Variants in MYO1D observed in about 807,000 individuals in gnomAD.
The protein encoded by MYO1D is myosin ID, also known as unconventional myosin-Id.
A neutral mutation model predicts 122.0 loss-of-function variants in MYO1D; 83 were observed. The ratio of observed to expected loss-of-function variants is 0.68; its 90% CI spans 0.57 to 0.82. The LOEUF is 0.82. Ranked by LOEUF, MYO1D falls within the 40% of genes least tolerant of loss-of-function variation. The pLI is 0.00. For synonymous variants in MYO1D, 464 were observed against 446.9 expected (o/e 1.04, Z -0.48); for missense variants, 1,157 against 1,269.5 (o/e 0.91, Z 1.35).
intron 1 of MYO1D, among the ~76,000 whole-genome samples, chr17:32,790,850 A>T (rs2090343266): frequency 6.6e-6 from 1 of 152,256 alleles, no homozygotes; most frequent in Non-Finnish European, 1.5e-5. Flanking sequence ...GAGAAACAGT[A>T]ACACCAGATA....
chr17:32,638,412 C>T (rs968088837), intron 20 of MYO1D, among the ~76,000 whole-genome samples: 2 of 152,126 alleles, frequency 1.3e-5, no homozygotes, highest in African/African-American at 2.4e-5. Context: ...CATATAAAAA[C>T]AAACCTTATG....
intron 21 of MYO1D, among the ~76,000 whole-genome samples, chr17:32,554,186 TCCCTGCCCCTGCCCCTGC>T (rs149083081): frequency 6.6e-6 from 1 of 151,842 alleles, no homozygotes; most frequent in South Asian, 2.1e-4. Flanking sequence ...GAGCTGAGAG[TCCCTGCCCCTGCCCCTGC>T]CCCTGCCCCT....
At chr17:32,519,846 T>G (rs1452953696) in intron 21 of MYO1D, among the ~76,000 whole-genome samples, 1 of 150,038 alleles carries the variant, frequency 6.7e-6, no homozygotes, top group Non-Finnish European at 1.5e-5. Context: ...ATTAAGAATA[T>G]AAGACAAAAA....
intron 16 of MYO1D, among the ~76,000 whole-genome samples, chr17:32,703,826 T>C (rs2089276021): frequency 6.6e-6 from 1 of 152,202 alleles, no homozygotes; most frequent in South Asian, 2.1e-4. Context: ...AAGTTAAAAC[T>C]ACAGTCTTCT....
intron 20 of MYO1D, among the ~76,000 whole-genome samples, chr17:32,631,821 A>G (rs1309212621): frequency 6.6e-6 from 1 of 152,198 alleles, no homozygotes; most frequent in African/African-American, 2.4e-5. Context: ...AAGTGTCACA[A>G]GACAGAAATA....
At chr17:32,810,372 G>A (rs1194673876) in intron 1 of MYO1D, among the ~76,000 whole-genome samples, 7 of 152,120 alleles carry the variant, frequency 4.6e-5, no homozygotes, top group Admixed American at 4.6e-4. Flanking sequence ...AGAATGTGCT[G>A]GAGGATTTCC....
intron 13 of MYO1D, among the ~76,000 whole-genome samples, chr17:32,741,796 G>T (rs1157034449): frequency 6.6e-6 from 1 of 152,006 alleles, no homozygotes; most frequent in Non-Finnish European, 1.5e-5. Context: ...GGCGGATCAC[G>T]AGGTCAGGAG....
At chr17:32,726,434 A>G (rs1031446009) in intron 14 of MYO1D, among the ~76,000 whole-genome samples, 1 of 151,084 alleles carries the variant, frequency 6.6e-6, no homozygotes. Context: ...AAAAAAGAAA[A>G]GAAAAAGAAA....
At chr17:32,645,578 A>G (rs9896040) in intron 19 of MYO1D, among the ~76,000 whole-genome samples, 2,380 of 151,640 alleles carry the variant, frequency 0.016, 53 homozygotes, top group African/African-American at 0.048. Flanking sequence ...ACAGTCCCAT[A>G]TTTCTTGGAG....
intron 21 of MYO1D, among the ~76,000 whole-genome samples, chr17:32,534,777 T>A (rs1400559458): frequency 2.0e-5 from 3 of 152,042 alleles, no homozygotes; most frequent in Non-Finnish European, 4.4e-5. Flanking sequence ...AATCCCCCCC[T>A]TTTTCTCTTT....
At chr17:32,616,703 A>G (rs2087773650) in intron 20 of MYO1D, among the ~76,000 whole-genome samples, 1 of 151,940 alleles carries the variant, frequency 6.6e-6, no homozygotes, top group South Asian at 2.1e-4. Context: ...AGTTTGCAAA[A>G]TTTTTGCCAC....
intron 21 of MYO1D, among the ~76,000 whole-genome samples, chr17:32,546,905 G>T (rs1029905841): frequency 2.2e-5 from 3 of 134,078 alleles, no homozygotes; most frequent in Admixed American, 8.3e-5. Flanking sequence ...ACAAAAATAA[G>T]AACCTTTTTT....
At chr17:32,746,303 T>C (rs1452304192) in intron 12 of MYO1D, among the ~76,000 whole-genome samples, 1 of 152,212 alleles carries the variant, frequency 6.6e-6, no homozygotes, top group Admixed American at 6.5e-5. Context: ...TCCAGATAGT[T>C]CTACTTCTCT....
chr17:32,862,270 T>C (rs1442868637), intron 1 of MYO1D, among the ~76,000 whole-genome samples: 1 of 152,242 alleles, frequency 6.6e-6, no homozygotes, highest in East Asian at 1.9e-4. Flanking sequence ...AGTTATCCTT[T>C]TGTTTGTTTA....
intron 1 of MYO1D, among the ~76,000 whole-genome samples, chr17:32,831,932 G>A (rs983388135): frequency 3.3e-5 from 5 of 152,092 alleles, no homozygotes; most frequent in Non-Finnish European, 5.9e-5. Flanking sequence ...TTTTCTAGGT[G>A]AGGCAATGCA....
chr17:32,822,586 G>A (rs2151059020), intron 1 of MYO1D, among the ~76,000 whole-genome samples: 1 of 148,810 alleles, frequency 6.7e-6, no homozygotes, highest in South Asian at 2.1e-4. Context: ...TGGGAACCGC[G>A]GAGGCGGCCG....
At chr17:32,747,768 C>T (rs1312811294) in intron 12 of MYO1D, among the ~76,000 whole-genome samples, 3 of 151,172 alleles carry the variant, frequency 2.0e-5, no homozygotes, top group African/African-American at 7.3e-5. Context: ...GCCTGGGAGG[C>T]GGAGGTTGCA....
chr17:32,783,844 G>A (rs2151031427), intron 1 of MYO1D, among the ~76,000 whole-genome samples: 1 of 152,274 alleles, frequency 6.6e-6, no homozygotes, highest in South Asian at 2.1e-4. Context: ...TATCCTAGAT[G>A]ACAAATAGGA....
At chr17:32,759,930 GGAA>G (rs2089982527) in intron 10 of MYO1D, 1 of 509,448 alleles carries the variant, frequency 2.0e-6, no homozygotes. Context: ...GAGGAAAAAG[GGAA>G]GAAGAAACTA....
Sources: allele counts gnomAD v4.1 joint callset (sites outside exome capture counted in the v4.1 genomes callset), GRCh38; gene constraint gnomAD v4.1.1; transcripts MANE v1.5; gene names NCBI Gene and HGNC (gene_info 2026-07-23, HGNC 2026-07-21).